SEPTIN14: variants seen among roughly 807,000 people sequenced by gnomAD.
The protein encoded by SEPTIN14 is septin 14.
SEPTIN14 carries 40 observed loss-of-function variants against 53.6 expected under a neutral mutation model. The observed-to-expected ratio is 0.75, with a 90% CI of 0.58 to 0.97. The LOEUF (loss-of-function observed/expected upper bound fraction) is 0.97. Among genes scored for constraint, SEPTIN14 ranks in the 50% least tolerant of loss-of-function variants. SEPTIN14 has a pLI of 0.00. For synonymous variants in SEPTIN14, 138 were observed against 166.8 expected (o/e 0.83, Z 1.33); for missense variants, 471 against 508.2 (o/e 0.93, Z 0.70).
intron 5 of SEPTIN14, among the ~76,000 whole-genome samples, chr7:55,835,427 C>T (rs2116034460): frequency 6.6e-6 from 1 of 152,166 alleles, no homozygotes; most frequent in Admixed American, 6.5e-5. Flanking sequence ...TATTCTCGAT[C>T]TCCTGACCTC....
chr7:55,821,743 T>C (rs930438633), intron 6 of SEPTIN14, among the ~76,000 whole-genome samples: 6 of 152,198 alleles, frequency 3.9e-5, no homozygotes, highest in East Asian at 3.9e-4. Context: ...TTTACAAATA[T>C]CTAAGTAAGA....
intron 7 of SEPTIN14, chr7:55,811,245 A>C (rs561593494): frequency 1.9e-6 from 1 of 524,984 alleles, no homozygotes; most frequent in East Asian, 5.1e-5. Flanking sequence ...CAGGATCTGG[A>C]TGTTGTAGAG....
intron 6 of SEPTIN14, among the ~76,000 whole-genome samples, chr7:55,826,380 G>A (rs189044566): frequency 4.6e-5 from 7 of 152,302 alleles, no homozygotes; most frequent in South Asian, 2.1e-4. Context: ...GGGAGGCTGC[G>A]TAAGACTATC....
chr7:55,793,675 A>G lies in SEPTIN14; in HGVS notation c.*2238T>C, dbSNP rs1788378174. On this transcript the variant is annotated 3_prime_UTR_variant, in exon 10 of 10. Coordinates refer to ENST00000388975, the MANE Select transcript of SEPTIN14 (RefSeq NM_207366.3). Reference sequence around the variant, plus strand: ...TACATCAATAACCTAAAAAGAGTAGACCTATATAGCAGTAGAATTTTGGTA... The same window carrying G: ...TACATCAATAACCTAAAAAGAGTAGGCCTATATAGCAGTAGAATTTTGGTA... 6.6e-6 allele frequency: 1 copy of G among 152,188 alleles called. No individual in the cohort carries two copies. Among genetic ancestry groups the G allele is most frequent in the Non-Finnish European group, 1.5e-5 (1 of 68,032 alleles). 9.4% of individuals were successfully genotyped at this position (152,188 alleles called of 1,614,324 possible).
intron 5 of SEPTIN14, among the ~76,000 whole-genome samples, chr7:55,838,129 G>T (rs181000987): frequency 3.7e-4 from 57 of 152,214 alleles, no homozygotes; most frequent in South Asian, 2.5e-3. Flanking sequence ...TTAATCAAAT[G>T]AACAGAGTCT....
chr7:55,833,615 G>A (rs531807428), intron 6 of SEPTIN14, among the ~76,000 whole-genome samples: 15 of 152,012 alleles, frequency 9.9e-5, no homozygotes, highest in African/African-American at 3.4e-4. Context: ...GGCTGAGGCA[G>A]GAGAATCACT....
chr7:55,811,100 G>T, intron 7 of SEPTIN14: 1 of 468,046 alleles, frequency 2.1e-6, no homozygotes, highest in South Asian at 1.8e-5. Context: ...CAGATGTCAG[G>T]GGTGTTTGAA....
At chr7:55,857,040 C>T (rs150546657) in intron 2 of SEPTIN14, among the ~76,000 whole-genome samples, 52 of 149,786 alleles carry the variant, frequency 3.5e-4, no homozygotes, top group African/African-American at 4.7e-4. Flanking sequence ...ACTGCACTCC[C>T]GCCTGGGTGA....
chr7:55,803,667 G>C (rs188721718), intron 9 of SEPTIN14, among the ~76,000 whole-genome samples: 1 of 152,020 alleles, frequency 6.6e-6, no homozygotes, highest in South Asian at 2.1e-4. Context: ...TCAACCCTAA[G>C]AGAACACATA....
intron 6 of SEPTIN14, among the ~76,000 whole-genome samples, chr7:55,821,225 G>C (rs1173538545): frequency 6.6e-6 from 1 of 152,086 alleles, no homozygotes; most frequent in African/African-American, 2.4e-5. Flanking sequence ...GAGAAGATGG[G>C]GGCCCTGACC....
At chr7:55,836,063 G>A (rs1048997706) in intron 5 of SEPTIN14, among the ~76,000 whole-genome samples, 4 of 152,076 alleles carry the variant, frequency 2.6e-5, no homozygotes, top group South Asian at 2.1e-4. Flanking sequence ...TCTAAAGGCC[G>A]TGTGTGTATG....
At chr7:55,798,041 C>T (rs11981505) in intron 9 of SEPTIN14, 12,219 of 168,230 alleles carry the variant, frequency 0.073, 1,163 homozygotes, top group African/African-American at 0.23. Context: ...ACCATGTACT[C>T]GGCCCACAGG....
At position 55,836,516 on chromosome 7, in the gene SEPTIN14, A is replaced by G. The variant is rs111380971; in HGVS notation, c.559-1930T>C. 1.1e-3 allele frequency among the ~76,000 whole-genome samples: 175 copies of G among 152,302 alleles called. 2 individuals carry two copies. Among genetic ancestry groups the G allele is most frequent in the African/African-American group, 4.0e-3 (168 of 41,570 alleles). On this transcript the variant is annotated intron_variant, in intron 5 of 9. Coordinates refer to ENST00000388975, the MANE Select transcript of SEPTIN14 (RefSeq NM_207366.3). ...CACTTTGGGAGGCCAAGACTGGCAG[A>G]TCACCTGGGGCCAGGAGTTCAAGAC...
chr7:55,860,559 T>C (rs1043553830), intron 2 of SEPTIN14, among the ~76,000 whole-genome samples: 3 of 152,174 alleles, frequency 2.0e-5, no homozygotes, highest in African/African-American at 7.2e-5. Context: ...AACATAGAAA[T>C]AATAAATATT....
chr7:55,803,060 C>T (rs1418563828), intron 9 of SEPTIN14, among the ~76,000 whole-genome samples: 1 of 151,978 alleles, frequency 6.6e-6, no homozygotes, highest in East Asian at 1.9e-4. Flanking sequence ...ACCTCAGCCT[C>T]CCGATTAGCT....
intron 2 of SEPTIN14, 31 bp from the exon 3 acceptor site, chr7:55,846,668 G>T (rs1789422426): frequency 8.3e-7 from 1 of 1,198,046 alleles, no homozygotes; most frequent in Non-Finnish European, 1.2e-6. Flanking sequence ...AGAGTTTTGT[G>T]TTAGAATAAA....
intron 3 of SEPTIN14, 52 bp downstream of exon 3, chr7:55,846,465 T>G: frequency 7.1e-7 from 1 of 1,402,822 alleles, no homozygotes; most frequent in Non-Finnish European, 9.8e-7. Flanking sequence ...TAAGTTGAAA[T>G]GAACATTGGG....
Position 55,834,440 on chromosome 7 carries a change from C to T in SEPTIN14, c.705G>A (p.Ala235=), listed in dbSNP as rs1789166765. Residue 235 remains alanine, a synonymous_variant, in exon 6 of 10, where the codon GCG becomes GCA. Coordinates refer to ENST00000388975, the MANE Select transcript of SEPTIN14 (RefSeq NM_207366.3). ...TGAAACTTACACTAACTGAGGAGTT[C>T]GCTTGAGCAGCAGTTTCTTCATCTG... ...LPTDEETAAQ[A]NSSVSGLLPF... The T allele has an allele frequency of 1.2e-6, 2 of 1,609,962 alleles. No individual in the cohort carries two copies. The highest frequency in any genetic ancestry group is 2.7e-5 in the African/African-American group (2 of 74,860).
intron 5 of SEPTIN14, among the ~76,000 whole-genome samples, chr7:55,836,331 C>A (rs950691868): frequency 6.6e-6 from 1 of 152,062 alleles, no homozygotes; most frequent in African/African-American, 2.4e-5. Context: ...GTTAAAATAT[C>A]TTATTAAATT....
Sources: gnomAD v4.1 joint callset for allele counts (sites outside exome capture counted in the v4.1 genomes callset) on GRCh38, gnomAD v4.1.1 for gene constraint, MANE v1.5 for transcripts, NCBI Gene and HGNC (gene_info 2026-07-23, HGNC 2026-07-21) for gene names.